The following LRP1B variants were observed in gnomAD, a reference collection of about 807,000 sequenced individuals.
The protein encoded by LRP1B is low-density lipoprotein receptor-related protein 1B.
A neutral mutation model predicts 556.6 loss-of-function variants in LRP1B; 217 were observed. That is an observed-to-expected ratio of 0.39 (90% confidence interval 0.35 to 0.44). The LOEUF (loss-of-function observed/expected upper bound fraction) is 0.44. Among genes scored for constraint, LRP1B ranks in the 20% least tolerant of loss-of-function variants. LRP1B has a pLI of 1.00. For missense variants in LRP1B, 5,053 were observed against 5,620.8 expected, an observed-to-expected ratio of 0.90 and a Z score of 3.23; for synonymous variants, 2,047 against 1,865.8, an observed-to-expected ratio of 1.10 and a Z score of -2.50.
At chr2:140,644,628 G>C (rs930426151) in intron 41 of LRP1B, among the ~76,000 whole-genome samples, 1 of 151,846 alleles carries the variant, frequency 6.6e-6, no homozygotes, top group Non-Finnish European at 1.5e-5. Context: ...GCCCAGGCAG[G>C]TCTCAAATTC....
chr2:141,775,733 A>G (rs548973158), intron 2 of LRP1B, among the ~76,000 whole-genome samples: 34 of 152,252 alleles, frequency 2.2e-4, no homozygotes, highest in African/African-American at 7.9e-4. Context: ...TAATTACATA[A>G]TTGTCCTTTT....
intron 3 of LRP1B, among the ~76,000 whole-genome samples, chr2:141,360,483 T>C (rs1229507227): frequency 2.6e-5 from 4 of 152,236 alleles, no homozygotes; most frequent in South Asian, 4.1e-4. Flanking sequence ...CAAATTGATA[T>C]CTAATTTTTC....
chr2:141,616,744 G>A (rs1038917907), intron 2 of LRP1B, among the ~76,000 whole-genome samples: 5 of 152,178 alleles, frequency 3.3e-5, no homozygotes, highest in East Asian at 1.9e-4. Context: ...ACATCCATCT[G>A]TGGCTTCTAG....
intron 67 of LRP1B, among the ~76,000 whole-genome samples, chr2:140,384,769 G>A (rs1253009559): frequency 6.6e-6 from 1 of 152,048 alleles, no homozygotes; most frequent in African/African-American, 2.4e-5. Flanking sequence ...TTCTGCGTCT[G>A]GGGAAATGAA....
At chr2:141,731,788 T>A (rs1453012252) in intron 2 of LRP1B, among the ~76,000 whole-genome samples, 1 of 152,146 alleles carries the variant, frequency 6.6e-6, no homozygotes, top group Non-Finnish European at 1.5e-5. Flanking sequence ...ACTAACCTCA[T>A]TAGGTTGTTG....
chr2:140,580,156 G>A (rs1338605411), intron 43 of LRP1B, among the ~76,000 whole-genome samples: 1 of 152,152 alleles, frequency 6.6e-6, no homozygotes, highest in Non-Finnish European at 1.5e-5. Context: ...TGTTGACCAA[G>A]TGTCTTGTGT....
chr2:140,371,812 G>T (rs1267446018), intron 69 of LRP1B, among the ~76,000 whole-genome samples: 2 of 151,906 alleles, frequency 1.3e-5, no homozygotes, highest in Non-Finnish European at 2.9e-5. Flanking sequence ...TAAAGTATTT[G>T]AATAAGTTCT....
chr2:141,770,669 C>T (rs1203515514), intron 2 of LRP1B, among the ~76,000 whole-genome samples: 90 of 152,204 alleles, frequency 5.9e-4, no homozygotes, highest in Non-Finnish European at 2.1e-4. Flanking sequence ...ATCACCCTCC[C>T]CCAGCCTCTT....
chr2:141,286,305 C>T (rs300343), intron 3 of LRP1B, among the ~76,000 whole-genome samples: 145,659 of 151,950 alleles, frequency 0.96, 70,088 homozygotes, highest in East Asian at 1. Flanking sequence ...CTAAGCTAAA[C>T]TTTTTTTTAT....
At chr2:141,677,965 A>T (rs1269332035) in intron 2 of LRP1B, among the ~76,000 whole-genome samples, 1 of 152,156 alleles carries the variant, frequency 6.6e-6, no homozygotes, top group Non-Finnish European at 1.5e-5. Flanking sequence ...CTTGATATTT[A>T]TAGGGACAAG....
At chr2:140,457,731 G>A in intron 60 of LRP1B, 80 bp from the exon 61 acceptor site, 1 of 1,114,630 alleles carries the variant, frequency 9.0e-7, no homozygotes. Flanking sequence ...TGGGCTGACA[G>A]ATACAACTGC....
At chr2:141,423,310 TTTTTTTA>T (rs1278281885) in intron 3 of LRP1B, among the ~76,000 whole-genome samples, 1 of 127,606 alleles carries the variant, frequency 7.8e-6, no homozygotes, top group African/African-American at 2.7e-5. Context: ...TTTTTTTTTT[TTTTTTTA>T]AGGGCAAATA....
chr2:141,623,585 C>G (rs1291454061), intron 2 of LRP1B, among the ~76,000 whole-genome samples: 4 of 152,002 alleles, frequency 2.6e-5, no homozygotes, highest in African/African-American at 9.7e-5. Flanking sequence ...TCAATATTAC[C>G]TGAACAGATC....
At chr2:141,534,685 T>C (rs1685008876) in intron 2 of LRP1B, among the ~76,000 whole-genome samples, 1 of 152,108 alleles carries the variant, frequency 6.6e-6, no homozygotes, top group Non-Finnish European at 1.5e-5. Flanking sequence ...TTATATGCCC[T>C]GAGATAGGGA....
At chr2:140,938,480 T>C (rs577473773) in intron 20 of LRP1B, among the ~76,000 whole-genome samples, 1 of 152,218 alleles carries the variant, frequency 6.6e-6, no homozygotes, top group African/African-American at 2.4e-5. Context: ...GCCTTTCTTT[T>C]GTCATCTTTA....
chr2:140,819,739 G>T (rs1373652698), intron 31 of LRP1B, among the ~76,000 whole-genome samples: 1 of 152,076 alleles, frequency 6.6e-6, no homozygotes, highest in Non-Finnish European at 1.5e-5. Flanking sequence ...GTGACAATAG[G>T]ATACACTATA....
chr2:140,418,888 G>A (rs575712534), intron 66 of LRP1B, among the ~76,000 whole-genome samples: 20 of 152,096 alleles, frequency 1.3e-4, no homozygotes, highest in South Asian at 4.2e-4. Flanking sequence ...CTCCGGTGCC[G>A]AAAAGGTTGA....
intron 2 of LRP1B, among the ~76,000 whole-genome samples, chr2:141,644,376 A>G (rs1357164124): frequency 1.3e-5 from 2 of 152,010 alleles, no homozygotes; most frequent in African/African-American, 2.4e-5. Context: ...CCATGTAAGA[A>G]GTGCCTTTTG....
intron 2 of LRP1B, among the ~76,000 whole-genome samples, chr2:141,490,319 A>G (rs1683281155): frequency 6.6e-6 from 1 of 151,648 alleles, no homozygotes; most frequent in Non-Finnish European, 1.5e-5. Context: ...ACATCCTTTT[A>G]CTGAAGGGTT....
Sources: gnomAD v4.1 joint callset for allele counts (sites outside exome capture counted in the v4.1 genomes callset) on GRCh38, gnomAD v4.1.1 for gene constraint, MANE v1.5 for transcripts, NCBI Gene and HGNC (gene_info 2026-07-23, HGNC 2026-07-21) for gene names.